NRXN2: variants seen among roughly 807,000 people sequenced by gnomAD.
NRXN2 encodes neurexin-2-beta.
Under a neutral mutation model 128.8 loss-of-function variants are expected in NRXN2, and 29 were observed. That is an observed-to-expected ratio of 0.23 (90% CI 0.17 to 0.31). The LOEUF (loss-of-function observed/expected upper bound fraction) is 0.31, where lower values mean the gene tolerates loss of function less well. Ranked by LOEUF, NRXN2 falls within the 10% of genes least tolerant of loss-of-function variation. The pLI, the probability that NRXN2 is intolerant of heterozygous loss-of-function variation, is 1.00. For missense variants in NRXN2, 1,881 were observed against 2,452.6 expected (o/e 0.77, Z 4.92); for synonymous variants, 1,098 against 1,075.2 (o/e 1.02, Z -0.41).
intron 2 of NRXN2, among the ~76,000 whole-genome samples, chr11:64,710,492 C>T (rs748628708): frequency 2.0e-5 from 3 of 152,168 alleles, no homozygotes; most frequent in Non-Finnish European, 4.4e-5. Flanking sequence ...TACAAAGGCT[C>T]TGGTTGACCA....
At chr11:64,690,342 A>G (rs1336709875) in intron 5 of NRXN2, 63 bp downstream of exon 5, 1 of 1,485,908 alleles carries the variant, frequency 6.7e-7, no homozygotes, top group African/African-American at 1.4e-5. Flanking sequence ...TCCCCCCAGG[A>G]AGCACAGTTA....
rs763107598 is a variant in NRXN2, at chr11:64,651,518, G to C, written c.2655C>G (p.Leu885=). ...CCATGTAGGGCTGGCCATTGAACAC[G>C]AGCCCACTCAGATGCCCGATGAAGT... The part of the protein sequence containing the change: ...PSNFIGHLSG[L]VFNGQPYMDQ... The change falls in exon 14 of 23, where the codon CTC becomes CTG. Residue 885 remains leucine, a synonymous_variant. Coordinates refer to ENST00000265459, the MANE Select transcript of NRXN2 (RefSeq NM_015080.4). The surrounding 1 kb of genome is among the most constrained non-coding windows in gnomAD (Gnocchi z 5.9). 15 of 1,614,154 alleles carry C rather than the reference G, an allele frequency of 9.3e-6. No homozygotes were observed. The South Asian group carries it at 1.5e-4, about 17-fold the overall frequency.
Position 64,651,645 on chromosome 11 carries a change from G to T in NRXN2, c.2537-9C>A, listed in dbSNP as rs529662766. The T allele has an allele frequency of 6.2e-7, 1 of 1,613,190 alleles. No individual in the cohort carries two copies. Among genetic ancestry groups the T allele is most frequent in the Non-Finnish European group, 8.5e-7 (1 of 1,179,648 alleles). ...GGCTCCTGCCATCTGTCCTGCTCAG[G>T]ACAGGAGACCAAGATGAGGGGGATG... On this transcript the variant is annotated splice_polypyrimidine_tract_variant and intron_variant, in intron 13 of 22. Transcript: ENST00000265459. This position sits in a 1 kb window ranked among gnomAD's most constrained non-coding sequence, Gnocchi z 5.9.
rs2039670118 is a variant in NRXN2 at position 64,606,533 on chromosome 11, G to A, written c.*663C>T. 1 of 148,458 alleles carries A rather than the reference G, an allele frequency of 6.7e-6. No homozygotes were observed. The highest frequency in any genetic ancestry group is 1.5e-5 in the Non-Finnish European group (1 of 67,802). The allele number at this position is 148,458 out of a possible 1,614,324, so 9.2% of individuals were successfully genotyped here. On this transcript the variant is annotated 3_prime_UTR_variant, in exon 23 of 23. Coordinates refer to ENST00000265459, the MANE Select transcript of NRXN2 (RefSeq NM_015080.4). ...AGAACAGGCCTTCCGTCAGGCCTGA[G>A]CCCCTTCCCTGGGCGGCACCAAGCA...
chr11:64,713,727 C>A lies in NRXN2; in HGVS notation c.-28G>T. The A allele has an allele frequency of 9.8e-7, 1 of 1,025,246 alleles. No individual in the cohort carries two copies. The highest frequency in any genetic ancestry group is 1.2e-6 in the Non-Finnish European group (1 of 854,782). The allele number at this position is 1,025,246 out of a possible 1,614,324, so 63.5% of individuals were successfully genotyped here. A position where few individuals can be genotyped will look rare whatever the true frequency, so the allele number is the denominator to read the frequency against. ...CTACGGCGGCCCCGGCCCCGCCCGG[C>A]CCCCGGCCCCCGCTCAGGCTTCAGA... On this transcript the variant is annotated 5_prime_UTR_variant, in exon 2 of 23. Transcript: ENST00000265459.
chr11:64,660,194 G>T lies in NRXN2; in HGVS notation c.2389+138C>A. The stretch of plus-strand genomic sequence containing the variant: ...CAGAGCTCTCAGGGTCTCTGACCCA[G>T]GCTGGCGCCTCCCCACCTCCAAACT... On this transcript the variant is annotated intron_variant, in intron 11 of 22. Coordinates refer to ENST00000265459, the MANE Select transcript of NRXN2 (RefSeq NM_015080.4). The surrounding 1 kb of genome is among the most constrained non-coding windows in gnomAD (Gnocchi z 5.2). The T allele has an allele frequency of 1.1e-6, 1 of 904,834 alleles. No homozygotes were observed. The highest frequency in any genetic ancestry group is 1.8e-6 in the Non-Finnish European group (1 of 557,874). 56.1% of individuals were successfully genotyped at this position (904,834 alleles called of 1,614,324 possible). A position where few individuals can be genotyped will look rare whatever the true frequency, so the allele number is the denominator to read the frequency against.
chr11:64,615,243 G>A (rs144969499), intron 22 of NRXN2, among the ~76,000 whole-genome samples: 1 of 152,372 alleles, frequency 6.6e-6, no homozygotes, highest in East Asian at 1.9e-4. Context: ...TGAAGATGGT[G>A]CAGCCACAAG....
intron 11 of NRXN2, among the ~76,000 whole-genome samples, chr11:64,658,889 G>T (rs900308539): frequency 1.3e-5 from 2 of 152,224 alleles, no homozygotes; most frequent in African/African-American, 4.8e-5. Flanking sequence ...GCCAGGCGTG[G>T]TGGCGGGTGC....
At chr11:64,624,560 A>G (rs1407346671) in intron 20 of NRXN2, among the ~76,000 whole-genome samples, 2 of 152,264 alleles carry the variant, frequency 1.3e-5, no homozygotes, top group Non-Finnish European at 2.9e-5. Context: ...TTTTTCCCAG[A>G]CATAAGAATC....
At chr11:64,717,328 T>C (rs981148624) in intron 1 of NRXN2, among the ~76,000 whole-genome samples, 11 of 152,142 alleles carry the variant, frequency 7.2e-5, no homozygotes, top group African/African-American at 2.4e-4. Context: ...GTCAGTGCAG[T>C]GCACACTGCC....
chr11:64,648,070 T>A lies in NRXN2; in HGVS notation c.3403+149A>T. 8.7e-7 allele frequency: 1 copy of A among 1,144,332 alleles called. No individual in the cohort carries two copies. The highest frequency in any genetic ancestry group is 1.3e-6 in the Non-Finnish European group (1 of 788,342). The allele number at this position is 1,144,332 out of a possible 1,614,324, so 70.9% of individuals were successfully genotyped here. On this transcript the variant is annotated intron_variant, in intron 17 of 22. Transcript: ENST00000265459. The surrounding 1 kb of genome is among the most constrained non-coding windows in gnomAD (Gnocchi z 4.1). ...CTATGAGGGGACAGCAGGCCACAGC[T>A]CCCCTGGGACTCTGCAGACAAGGGA...
At chr11:64,643,292 G>A in intron 17 of NRXN2, 1 of 979,800 alleles carries the variant, frequency 1.0e-6, no homozygotes, top group Non-Finnish European at 1.2e-6. Flanking sequence ...GACGGCGACT[G>A]GGGCCGGCCG....
rs1390275085 is a variant in NRXN2, at chr11:64,713,142, C to A, written c.558G>T (p.Glu186Asp). 1.4e-6 allele frequency: 2 copies of A among 1,439,360 alleles called. No homozygotes were observed. Among genetic ancestry groups the A allele is most frequent in the Admixed American group, 2.5e-5 (1 of 40,630 alleles). The allele number at this position is 1,439,360 out of a possible 1,614,324, so 89.2% of individuals were successfully genotyped here. A position where few individuals can be genotyped will look rare whatever the true frequency, so the allele number is the denominator to read the frequency against. Residue 186 changes from glutamate to aspartate, a missense_variant, in exon 2 of 23, where the codon GAG (glutamate) becomes GAT (aspartate). Glu to Asp is a conservative substitution (Grantham distance 45). Around this residue, in one of 7 missense-constraint regions of NRXN2, gnomAD observed 997 missense variants for 1,240.8 expected, o/e 0.80. Transcript: ENST00000265459. ...GGCTGCCCAGCAGCGCGGGGGGCCG[C>A]TCGCCCAGCTTCAGGTTGGCCAAGA... is the stretch of plus-strand genomic sequence containing the variant. ...RGLLANLKLG[E>D]RPPALLGSQG... is the part of the protein sequence containing the mutation.
chr11:64,719,668 T>G (rs1050381655), intron 1 of NRXN2, among the ~76,000 whole-genome samples: 1 of 151,890 alleles, frequency 6.6e-6, no homozygotes, highest in African/African-American at 2.4e-5. Context: ...GGAGGACAGG[T>G]GCATGGGAGC....
chr11:64,662,251 C>T (rs2049135628), intron 9 of NRXN2, among the ~76,000 whole-genome samples: 1 of 150,324 alleles, frequency 6.7e-6, no homozygotes, highest in Non-Finnish European at 1.5e-5. Context: ...CAGCGAGACT[C>T]CATCTCAAAA....
At chr11:64,626,696 C>T in intron 19 of NRXN2, 144 bp from the exon 20 acceptor site, 1 of 733,188 alleles carries the variant, frequency 1.4e-6, no homozygotes, top group Non-Finnish European at 2.5e-6. Context: ...AAACGCTGGG[C>T]CCCTCTTTTC....
chr11:64,678,785 C>A (rs1035170026), intron 6 of NRXN2, among the ~76,000 whole-genome samples: 7 of 152,028 alleles, frequency 4.6e-5, no homozygotes, highest in African/African-American at 1.7e-4. Flanking sequence ...CTAAACTGCA[C>A]CCCCGAGAGT....
chr11:64,700,823 G>A (rs571015503), intron 2 of NRXN2, among the ~76,000 whole-genome samples: 13 of 152,170 alleles, frequency 8.5e-5, no homozygotes, highest in African/African-American at 1.9e-4. Flanking sequence ...CTTTAGAGCC[G>A]CTGTCTCTGA....
At chr11:64,644,508 C>A (rs1030130037) in intron 17 of NRXN2, among the ~76,000 whole-genome samples, 3 of 152,222 alleles carry the variant, frequency 2.0e-5, no homozygotes, top group African/African-American at 7.2e-5. Context: ...AACCACTTCT[C>A]CTTCAGGATG....
Sources: allele counts gnomAD v4.1 joint callset (sites outside exome capture counted in the v4.1 genomes callset), GRCh38; gene constraint gnomAD v4.1.1; regional missense constraint gnomAD v4.1.1; non-coding constraint Gnocchi (gnomAD v3.1); transcripts MANE v1.5; gene names NCBI Gene and HGNC (gene_info 2026-07-23, HGNC 2026-07-21).